The following DCHS2 variants were observed in gnomAD, a reference collection of about 807,000 sequenced individuals.
DCHS2 encodes the protein dachsous cadherin-related 2.
DCHS2 carries 142 observed loss-of-function variants against 182.4 expected under a neutral mutation model. That is an observed-to-expected ratio of 0.78 (90% CI 0.68 to 0.89). DCHS2 has a LOEUF of 0.89. DCHS2 is among the 40% of genes least tolerant of loss of function. DCHS2 has a pLI of 0.00. For synonymous variants in DCHS2, 1,740 were observed against 1,663.3 expected, an observed-to-expected ratio of 1.05 and a Z score of -1.12; for missense variants, 4,319 against 4,198.6, an observed-to-expected ratio of 1.03 and a Z score of -0.79.
At chr4:154,238,868 G>A (rs1003041097) in intron 19 of DCHS2, among the ~76,000 whole-genome samples, 53 of 152,092 alleles carry the variant, frequency 3.5e-4, no homozygotes, top group Admixed American at 2.2e-3. Flanking sequence ...TGCCTGAACT[G>A]TGCTTGGTTG....
chr4:154,491,652 C>A lies in DCHS2; in HGVS notation c.-297G>T, dbSNP rs1027256294. 7.9e-6 allele frequency: 10 copies of A among 1,263,204 alleles called. No individual in the cohort carries two copies. The South Asian group carries it at 2.9e-4, about 37-fold the overall frequency. The allele number at this position is 1,263,204 out of a possible 1,614,324, so 78.2% of individuals were successfully genotyped here. On this transcript the variant is annotated 5_prime_UTR_variant, in exon 1 of 20. The change creates a new upstream start codon in the 5' untranslated region. Transcript: ENST00000357232. ...CTCTTTTTCTCTCTCCTTTTATTCC[C>A]TTTACATCTGTTCCTTGTTCTACTC...
chr4:154,392,447 G>C (rs1269947769), intron 1 of DCHS2, among the ~76,000 whole-genome samples: 1 of 152,046 alleles, frequency 6.6e-6, no homozygotes, highest in Non-Finnish European at 1.5e-5. Flanking sequence ...TAATGAAAAA[G>C]ACAAAGAGTA....
At position 154,391,258 on chromosome 4, in the gene DCHS2, C is replaced by T. The variant is rs368287067; in HGVS notation, c.2053-13814G>A. 6.6e-5 allele frequency: 107 copies of T among 1,609,966 alleles called. No individual in the cohort carries two copies. The highest frequency in any genetic ancestry group is 8.7e-5 in the Non-Finnish European group (103 of 1,177,552). On this transcript the variant is annotated intron_variant, in intron 1 of 19. Coordinates refer to ENST00000357232, the MANE Select transcript of DCHS2 (RefSeq NM_001358235.2). ...TGCTGAGTAAACATCTTCTTTTCTC[C>T]GTCTTCATTCTCTGATTTCGTTATC...
chr4:154,260,202 CG>C (rs1732921286), intron 14 of DCHS2, among the ~76,000 whole-genome samples: 1 of 152,150 alleles, frequency 6.6e-6, no homozygotes, highest in South Asian at 2.1e-4. Flanking sequence ...CTCCCATTGC[CG>C]GGCCTCCTTT....
intron 16 of DCHS2, among the ~76,000 whole-genome samples, chr4:154,248,042 TG>T (rs761371856): frequency 6.6e-6 from 1 of 152,088 alleles, no homozygotes; most frequent in Non-Finnish European, 1.5e-5. Context: ...AAAGAGGGCT[TG>T]ATAGAATATT....
chr4:154,377,112 A>G, intron 2 of DCHS2, 141 bp downstream of exon 2: 2 of 765,780 alleles, frequency 2.6e-6, no homozygotes, highest in East Asian at 2.7e-5. Context: ...TATTTGCTTC[A>G]AAAAACTTCA....
chr4:154,383,794 G>A (rs1731275260), intron 1 of DCHS2, among the ~76,000 whole-genome samples: 1 of 151,496 alleles, frequency 6.6e-6, no homozygotes, highest in Non-Finnish European at 1.5e-5. Context: ...CTACTCCTAA[G>A]CAATTGTACA....
intron 16 of DCHS2, among the ~76,000 whole-genome samples, chr4:154,253,822 T>A (rs1732510657): frequency 6.6e-6 from 1 of 152,086 alleles, no homozygotes; most frequent in African/African-American, 2.4e-5. Flanking sequence ...TATTCCAGTT[T>A]AATCAGCTCT....
intron 1 of DCHS2, among the ~76,000 whole-genome samples, chr4:154,429,103 T>C (rs1733456799): frequency 6.6e-6 from 1 of 152,164 alleles, no homozygotes; most frequent in African/African-American, 2.4e-5. Flanking sequence ...ATAAACTGGG[T>C]CAGTTATGTC....
chr4:154,470,739 T>C (rs1686153361), intron 1 of DCHS2, among the ~76,000 whole-genome samples: 1 of 152,204 alleles, frequency 6.6e-6, no homozygotes, highest in South Asian at 2.1e-4. Flanking sequence ...ATTAGATTTA[T>C]CATAAATTTA....
chr4:154,237,381 A>T (rs1369070724), intron 19 of DCHS2: 1 of 606,326 alleles, frequency 1.6e-6, no homozygotes, highest in South Asian at 4.5e-5. Flanking sequence ...CACTCTGTGA[A>T]ATATGTGTGC....
At chr4:154,335,347 G>C (rs985961088) in intron 3 of DCHS2, among the ~76,000 whole-genome samples, 3 of 152,140 alleles carry the variant, frequency 2.0e-5, no homozygotes, top group Non-Finnish European at 4.4e-5. Context: ...ATGTGGGCAG[G>C]CCTGGTCCAA....
intron 1 of DCHS2, among the ~76,000 whole-genome samples, chr4:154,414,487 CTTTTTTTTTTTTTT>C (rs375818839): frequency 2.7e-5 from 2 of 73,760 alleles, no homozygotes; most frequent in African/African-American, 8.0e-5. Flanking sequence ...ATACAGCTTT[CTTTTTTTTTTTTTT>C]TTTTTTTTTT....
intron 1 of DCHS2, among the ~76,000 whole-genome samples, chr4:154,386,201 C>T (rs895251907): frequency 6.6e-6 from 1 of 152,170 alleles, no homozygotes; most frequent in Non-Finnish European, 1.5e-5. Context: ...CCCATCCTAC[C>T]CAACATAATC....
Position 154,304,737 on chromosome 4 carries a change from A to T in DCHS2, c.5537T>A (p.Val1846Asp). The T allele has an allele frequency of 6.2e-7, 1 of 1,614,008 alleles. No individual in the cohort carries two copies. Among genetic ancestry groups the T allele is most frequent in the Non-Finnish European group, 8.5e-7 (1 of 1,179,960 alleles). Reference protein sequence around the residue: ...IEVLENQEPEVVYTVLASDMD... With the variant: ...IEVLENQEPEDVYTVLASDMD... Reference sequence around the variant, plus strand: ...ATCAGAGGCTAAAACCGTATAGACAACCTCTGGTTCCTGGTTTTCCAGAAC... The same window carrying T: ...ATCAGAGGCTAAAACCGTATAGACATCCTCTGGTTCCTGGTTTTCCAGAAC... The change falls in exon 12 of 20, where the codon GTT becomes GAT. Residue 1846 changes from valine to aspartate, a missense_variant. Coordinates refer to ENST00000357232, the MANE Select transcript of DCHS2 (RefSeq NM_001358235.2).
chr4:154,271,626 T>G (rs1733600597), intron 13 of DCHS2, among the ~76,000 whole-genome samples: 1 of 152,148 alleles, frequency 6.6e-6, no homozygotes, highest in Non-Finnish European at 1.5e-5. Flanking sequence ...ATTCATTTGG[T>G]CCCCAAGTTA....
intron 1 of DCHS2, among the ~76,000 whole-genome samples, chr4:154,419,992 A>G (rs1733036171): frequency 6.6e-6 from 1 of 152,126 alleles, no homozygotes; most frequent in Non-Finnish European, 1.5e-5. Context: ...TGCATTTAAG[A>G]ACATCCTTTT....
intron 2 of DCHS2, among the ~76,000 whole-genome samples, chr4:154,376,327 C>G (rs948826623): frequency 6.6e-6 from 1 of 151,930 alleles, no homozygotes; most frequent in African/African-American, 2.4e-5. Flanking sequence ...ATGAGAACAT[C>G]AGAAAGGATA....
intron 4 of DCHS2, chr4:154,334,624 T>G: frequency 4.4e-6 from 2 of 458,550 alleles, no homozygotes; most frequent in Non-Finnish European, 7.8e-6. Context: ...TTTTGTATAT[T>G]ATAATCTGTA....
Sources: gnomAD v4.1 joint callset for allele counts (sites outside exome capture counted in the v4.1 genomes callset) on GRCh38, gnomAD v4.1.1 for gene constraint, MANE v1.5 for transcripts, NCBI Gene and HGNC (gene_info 2026-07-23, HGNC 2026-07-21) for gene names.